NPAS3: variants seen among roughly 807,000 people sequenced by gnomAD.
The protein encoded by NPAS3 is neuronal PAS domain-containing protein 3.
A neutral mutation model predicts 73.1 loss-of-function variants in NPAS3; 14 were observed. The ratio of observed to expected loss-of-function variants is 0.19; its 90% confidence interval spans 0.13 to 0.30. The LOEUF (loss-of-function observed/expected upper bound fraction) is 0.30, where lower values mean the gene tolerates loss of function less well. NPAS3 is among the 10% of genes least tolerant of loss of function. NPAS3 has a pLI of 1.00. For synonymous variants in NPAS3, 620 were observed against 541.5 expected (o/e 1.14, Z -2.01); for missense variants, 1,096 against 1,250.0 (o/e 0.88, Z 1.86).
In NPAS3 at chr14:33,018,816, G is replaced by A. The variant is rs939077867; in HGVS notation, c.51-37089G>A. Among the ~76,000 whole-genome samples, 7 of 152,088 alleles carry A rather than the reference G, an allele frequency of 4.6e-5. No homozygotes were observed. In the East Asian group the frequency reaches 1.4e-3, roughly 29 times the overall value. ...TAAGACATTTCTTCCCTTATTGAAG[G>A]GAAATCATCGTGTTTAAAGAGCATT... On this transcript the variant is annotated intron_variant, in intron 1 of 11. Coordinates refer to ENST00000356141, the Ensembl canonical transcript of NPAS3.
chr14:33,056,636 A>G (rs1436539912), intron 2 of NPAS3, among the ~76,000 whole-genome samples: 2 of 152,088 alleles, frequency 1.3e-5, no homozygotes, highest in African/African-American at 4.8e-5. Flanking sequence ...TGAAGTAAAC[A>G]CTCTGCTCTG....
chr14:33,412,366 C>T (rs756460315), intron 4 of NPAS3, among the ~76,000 whole-genome samples: 2 of 152,122 alleles, frequency 1.3e-5, no homozygotes, highest in African/African-American at 2.4e-5. Context: ...GTTACCTGCC[C>T]ACCTCAGCTT....
intron 7 of NPAS3, among the ~76,000 whole-genome samples, chr14:33,768,492 G>C (rs1276467820): frequency 1.3e-5 from 2 of 152,258 alleles, no homozygotes; most frequent in East Asian, 3.9e-4. Flanking sequence ...GAATTATTAA[G>C]CTGAATTTAT....
At chr14:33,081,523 GTAAA>G (rs1168164269) in intron 2 of NPAS3, among the ~76,000 whole-genome samples, 2 of 152,176 alleles carry the variant, frequency 1.3e-5, no homozygotes, top group Non-Finnish European at 2.9e-5. Flanking sequence ...GTTATTTTGT[GTAAA>G]TAGAGACTTC....
intron 2 of NPAS3, among the ~76,000 whole-genome samples, chr14:33,081,181 G>A (rs898168671): frequency 6.6e-6 from 1 of 152,104 alleles, no homozygotes; most frequent in Non-Finnish European, 1.5e-5. Context: ...TGGTATGGCC[G>A]TAGACTAGAG....
At chr14:33,719,195 A>G (rs909148873) in intron 6 of NPAS3, among the ~76,000 whole-genome samples, 3 of 152,136 alleles carry the variant, frequency 2.0e-5, no homozygotes, top group Non-Finnish European at 2.9e-5. Context: ...TCCAACTCCC[A>G]TGGACACTGC....
At chr14:33,256,079 C>T (rs767006968) in intron 3 of NPAS3, among the ~76,000 whole-genome samples, 2 of 152,122 alleles carry the variant, frequency 1.3e-5, no homozygotes, top group Non-Finnish European at 2.9e-5. Flanking sequence ...ACCATGGTCA[C>T]TTGTAGGTTT....
intron 2 of NPAS3, among the ~76,000 whole-genome samples, chr14:33,148,945 C>A (rs1034349981): frequency 3.9e-5 from 6 of 152,098 alleles, no homozygotes; most frequent in African/African-American, 1.4e-4. Context: ...CCTTGGCCTC[C>A]CCAAGTGCTA....
chr14:33,543,149 C>A (rs2054597268), intron 4 of NPAS3, among the ~76,000 whole-genome samples: 1 of 152,154 alleles, frequency 6.6e-6, no homozygotes, highest in Admixed American at 6.5e-5. Flanking sequence ...TCCCTCATCT[C>A]TTTCTGTGTT....
chr14:33,602,467 C>T (rs948205207), intron 5 of NPAS3, among the ~76,000 whole-genome samples: 1 of 152,200 alleles, frequency 6.6e-6, no homozygotes, highest in African/African-American at 2.4e-5. Context: ...GAAAACACAG[C>T]ACATTCAAGC....
intron 1 of NPAS3, among the ~76,000 whole-genome samples, chr14:33,054,524 A>G (rs538552723): frequency 3.2e-4 from 48 of 152,286 alleles, no homozygotes; most frequent in Middle Eastern, 3.4e-3. Flanking sequence ...AAATTATTTG[A>G]AAGTATTGTC....
intron 1 of NPAS3, among the ~76,000 whole-genome samples, chr14:33,038,886 C>A (rs1201992195): frequency 6.6e-6 from 1 of 152,144 alleles, no homozygotes; most frequent in Non-Finnish European, 1.5e-5. Flanking sequence ...CATTAGAGTT[C>A]ATCAGTTATC....
At chr14:33,548,648 A>G (rs1189039146) in intron 4 of NPAS3, among the ~76,000 whole-genome samples, 2 of 152,270 alleles carry the variant, frequency 1.3e-5, no homozygotes, top group African/African-American at 4.8e-5. Flanking sequence ...CAGGTGTGTT[A>G]GGTGATAAGG....
chr14:33,207,363 A>G (rs2046869605), intron 2 of NPAS3, among the ~76,000 whole-genome samples: 1 of 152,114 alleles, frequency 6.6e-6, no homozygotes. Flanking sequence ...TCACATTTGC[A>G]AACTGCACTG....
At chr14:33,032,694 A>G (rs2040034777) in intron 1 of NPAS3, among the ~76,000 whole-genome samples, 1 of 152,240 alleles carries the variant, frequency 6.6e-6, no homozygotes, top group South Asian at 2.1e-4. Flanking sequence ...ATTGAGCTCC[A>G]GTGGTCCACA....
chr14:33,763,675 C>T (rs28688903), intron 7 of NPAS3, among the ~76,000 whole-genome samples: 1 of 152,072 alleles, frequency 6.6e-6, no homozygotes, highest in South Asian at 2.1e-4. Context: ...TTGGCTTCCA[C>T]TCTGCATTCT....
chr14:33,102,658 G>A (rs550640729), intron 2 of NPAS3, among the ~76,000 whole-genome samples: 116 of 152,230 alleles, frequency 7.6e-4, no homozygotes, highest in Non-Finnish European at 1.5e-3. Context: ...AAGGATGCAG[G>A]CATATAATGA....
rs187144419 is a variant in NPAS3, at chr14:33,657,088, C to T, written c.559-19123C>T. ...ATGCCAATGAACATGGAGGACATCG[C>T]GCTAAGTGAAATAACAGCAGACACA... On this transcript the variant is annotated intron_variant, in intron 5 of 11. Coordinates refer to ENST00000356141, the Ensembl canonical transcript of NPAS3. Among the ~76,000 whole-genome samples, 103 of 152,200 alleles carry T rather than the reference C, an allele frequency of 6.8e-4. 1 individual carries two copies. The highest frequency in any genetic ancestry group is 4.0e-3 in the Admixed American group (61 of 15,274).
At chr14:33,204,328 T>C (rs2046741312) in intron 2 of NPAS3, among the ~76,000 whole-genome samples, 1 of 152,164 alleles carries the variant, frequency 6.6e-6, no homozygotes, top group African/African-American at 2.4e-5. Flanking sequence ...AGAGCCACCC[T>C]ACCAGCAAGG....
Sources: gnomAD v4.1 joint callset for allele counts (sites outside exome capture counted in the v4.1 genomes callset) on GRCh38, gnomAD v4.1.1 for gene constraint, MANE v1.5 for transcripts, NCBI Gene and HGNC (gene_info 2026-07-23, HGNC 2026-07-21) for gene names.